Variants in MTSS1 observed in about 807,000 individuals in gnomAD.
MTSS1 encodes protein MTSS 1.
Under a neutral mutation model 79.0 loss-of-function variants are expected in MTSS1, and 18 were observed. The observed-to-expected ratio is 0.23, with a 90% CI of 0.16 to 0.34. The LOEUF (loss-of-function observed/expected upper bound fraction) is 0.34. Among genes scored for constraint, MTSS1 ranks in the 10% least tolerant of loss-of-function variants. MTSS1 has a pLI of 1.00. For missense variants in MTSS1, 815 were observed against 986.2 expected, an observed-to-expected ratio of 0.83 and a Z score of 2.33; for synonymous variants, 341 against 368.6, an observed-to-expected ratio of 0.93 and a Z score of 0.86.
At chr8:124,566,141 T>C (rs1366465658) in intron 8 of MTSS1, 3 of 158,978 alleles carry the variant, frequency 1.9e-5, no homozygotes, top group African/African-American at 7.2e-5. Flanking sequence ...CCCAGACTTG[T>C]TGGTAGCGCA....
At chr8:124,720,878 C>T (rs1587992514) in intron 1 of MTSS1, among the ~76,000 whole-genome samples, 1 of 152,192 alleles carries the variant, frequency 6.6e-6, no homozygotes, top group Non-Finnish European at 1.5e-5. Context: ...CAATGTTTCA[C>T]TTCAGAATCC....
rs1587929290 is a variant in MTSS1 at position 124,709,978 on chromosome 8, G to A, written c.73-5787C>T. On this transcript the variant is annotated intron_variant, in intron 1 of 13. Transcript: ENST00000518547. ...ACATCATACAGTTTGCTGTCTATAA[G>A]CCTGAGGGCTTCCCCTTTGGACTGT... 4.6e-5 allele frequency among the ~76,000 whole-genome samples: 7 copies of A among 152,344 alleles called. 1 individual carries two copies. Among genetic ancestry groups the A allele is most frequent in the Admixed American group, 4.6e-4 (7 of 15,306 alleles).
chr8:124,621,140 G>T (rs756484963), intron 3 of MTSS1, among the ~76,000 whole-genome samples: 1 of 152,022 alleles, frequency 6.6e-6, no homozygotes, highest in Non-Finnish European at 1.5e-5. Context: ...ACCCACAAAG[G>T]AAAGAAAACA....
chr8:124,683,863 C>T lies in MTSS1; in HGVS notation c.208+15663G>A, dbSNP rs1826526629. Among the ~76,000 whole-genome samples, 1 of 152,120 alleles carries T rather than the reference C, an allele frequency of 6.6e-6. No individual in the cohort carries two copies. The highest frequency in any genetic ancestry group is 2.1e-4 in the South Asian group (1 of 4,830). On this transcript the variant is annotated intron_variant, in intron 3 of 13. Transcript: ENST00000518547. The surrounding 1 kb of genome is among the most constrained non-coding windows in gnomAD (Gnocchi z 4.5). ...GGATGGTGGTGAGGCCATAACAAGC[C>T]GGTACCCACATGCGGTGGGGGCTCT...
chr8:124,576,348 G>A (rs1828951283), intron 6 of MTSS1, among the ~76,000 whole-genome samples: 1 of 152,160 alleles, frequency 6.6e-6, no homozygotes, highest in African/African-American at 2.4e-5. Flanking sequence ...CCCACTTGTG[G>A]CTGGTGACTG....
intron 6 of MTSS1, among the ~76,000 whole-genome samples, chr8:124,581,729 C>T (rs943438168): frequency 6.6e-6 from 1 of 152,220 alleles, no homozygotes; most frequent in African/African-American, 2.4e-5. Flanking sequence ...GCTGGGATTA[C>T]AGGCGTGAGC....
At chr8:124,561,954 T>G (rs1825425446) in intron 10 of MTSS1, among the ~76,000 whole-genome samples, 1 of 151,992 alleles carries the variant, frequency 6.6e-6, no homozygotes, top group East Asian at 1.9e-4. Context: ...AAAATGCTAA[T>G]GGGAGCGCTG....
intron 3 of MTSS1, among the ~76,000 whole-genome samples, chr8:124,628,790 T>C (rs1000661476): frequency 1.7e-4 from 26 of 152,210 alleles, no homozygotes; most frequent in African/African-American, 5.3e-4. Context: ...CAATTCTTCA[T>C]TGCCCATCCT....
At chr8:124,677,810 T>TTTTA (rs1291815773) in intron 3 of MTSS1, among the ~76,000 whole-genome samples, 1 of 152,136 alleles carries the variant, frequency 6.6e-6, no homozygotes, top group Non-Finnish European at 1.5e-5. Flanking sequence ...CTCAAGAAAA[T>TTTTA]TTAAAGAGTC....
chr8:124,727,841 G>T lies in MTSS1; in HGVS notation c.72+43C>A. 6.5e-7 allele frequency: 1 copy of T among 1,532,544 alleles called. No homozygotes were observed. Among genetic ancestry groups the T allele is most frequent in the Non-Finnish European group, 8.8e-7 (1 of 1,141,014 alleles). The allele number at this position is 1,532,544 out of a possible 1,614,324, so 94.9% of individuals were successfully genotyped here. A position where few individuals can be genotyped will look rare whatever the true frequency, so the allele number is the denominator to read the frequency against. ...GAGGCGAAGCGCGGCGGCGAGGTCA[G>T]AGCGCGGCGGCCGGCGCCGCAGCCG... On this transcript the variant is annotated intron_variant, in intron 1 of 13. Transcript: ENST00000518547. The surrounding 1 kb of genome is among the most constrained non-coding windows in gnomAD (Gnocchi z 4.7).
At chr8:124,561,203 G>A (rs1825224482) in intron 10 of MTSS1, among the ~76,000 whole-genome samples, 1 of 152,178 alleles carries the variant, frequency 6.6e-6, no homozygotes, top group Non-Finnish European at 1.5e-5. Flanking sequence ...AGACCGAGGT[G>A]GGCGGATCAC....
chr8:124,663,837 A>G (rs982706116), intron 3 of MTSS1, among the ~76,000 whole-genome samples: 4 of 152,190 alleles, frequency 2.6e-5, no homozygotes, highest in African/African-American at 7.2e-5. Flanking sequence ...ACACATAGAC[A>G]GAAAGTTAGG....
chr8:124,563,078 C>T, intron 9 of MTSS1, 86 bp from the exon 10 acceptor site: 1 of 1,149,484 alleles, frequency 8.7e-7, no homozygotes, highest in South Asian at 1.4e-5. Flanking sequence ...AGGAGGGGAA[C>T]AGATGAGGCA....
chr8:124,708,081 C>G (rs1830648421), intron 1 of MTSS1, among the ~76,000 whole-genome samples: 1 of 152,166 alleles, frequency 6.6e-6, no homozygotes, highest in Non-Finnish European at 1.5e-5. Flanking sequence ...ATTACCAATA[C>G]CATCAATTAT....
chr8:124,555,632 C>T (rs1823491851), intron 13 of MTSS1, 110 bp downstream of exon 13: 18 of 1,273,634 alleles, frequency 1.4e-5, no homozygotes, highest in Non-Finnish European at 1.8e-5. Flanking sequence ...AATCCTGACA[C>T]CTGTTAGTTA....
intron 4 of MTSS1, 68 bp from the exon 5 acceptor site, chr8:124,589,779 T>C: frequency 8.5e-7 from 1 of 1,180,798 alleles, no homozygotes; most frequent in Non-Finnish European, 1.3e-6. Context: ...GATTTAAATG[T>C]GGTTGTCAAA....
chr8:124,584,405 G>A (rs1388926788), intron 6 of MTSS1, among the ~76,000 whole-genome samples: 3 of 152,180 alleles, frequency 2.0e-5, no homozygotes, highest in Non-Finnish European at 4.4e-5. Context: ...ACATTTTTAG[G>A]TGGTAGTAAA....
At chr8:124,651,089 C>A (rs150547818) in intron 3 of MTSS1, among the ~76,000 whole-genome samples, 2 of 152,374 alleles carry the variant, frequency 1.3e-5, no homozygotes, top group East Asian at 3.9e-4. Flanking sequence ...TGAATCAAAT[C>A]TACCTGACTT....
At position 124,554,000 on chromosome 8, in the gene MTSS1, T is replaced by C. The variant is rs535344989; in HGVS notation, c.1568-308A>G. On this transcript the variant is annotated intron_variant, in intron 13 of 13. Coordinates refer to ENST00000518547, the MANE Select transcript of MTSS1 (RefSeq NM_014751.6). This position sits in a 1 kb window ranked among gnomAD's most constrained non-coding sequence, Gnocchi z 6.0. The stretch of plus-strand genomic sequence containing the variant: ...CAGCGAAGCTACCTGCAAGCGTCTC[T>C]GGGAGGAATAAGGGGGATGAAAGAA... 1.3e-5 allele frequency among the ~76,000 whole-genome samples: 2 copies of C among 152,340 alleles called. No homozygotes were observed. The highest frequency in any genetic ancestry group is 1.9e-4 in the East Asian group (1 of 5,186).
Sources: allele counts gnomAD v4.1 joint callset (sites outside exome capture counted in the v4.1 genomes callset), GRCh38; gene constraint gnomAD v4.1.1; non-coding constraint Gnocchi (gnomAD v3.1); transcripts MANE v1.5; gene names NCBI Gene and HGNC (gene_info 2026-07-23, HGNC 2026-07-21).